RAD51B: variants seen among roughly 807,000 people sequenced by gnomAD.
RAD51B encodes the protein DNA repair protein RAD51 homolog 2.
A neutral mutation model predicts 42.2 loss-of-function variants in RAD51B; 38 were observed. That is an observed-to-expected ratio of 0.90 (90% CI 0.70 to 1.18). The LOEUF is 1.18. Ranked by LOEUF, RAD51B falls within the 50% of genes most tolerant of loss-of-function variation. The pLI, the probability that RAD51B is intolerant of heterozygous loss-of-function variation, is 0.00. For synonymous variants in RAD51B, 154 were observed against 145.2 expected, an observed-to-expected ratio of 1.06 and a Z score of -0.43; for missense variants, 373 against 400.7, an observed-to-expected ratio of 0.93 and a Z score of 0.59.
chr14:67,919,411 C>T (rs1223164455), intron 7 of RAD51B, among the ~76,000 whole-genome samples: 1 of 152,136 alleles, frequency 6.6e-6, no homozygotes, highest in African/African-American at 2.4e-5. Flanking sequence ...CCTTTCTCCC[C>T]TAAAGACAGG....
intron 7 of RAD51B, among the ~76,000 whole-genome samples, chr14:67,901,834 A>C (rs150144722): frequency 1.3e-5 from 2 of 152,178 alleles, no homozygotes; most frequent in Non-Finnish European, 2.9e-5. Context: ...AATACCACAT[A>C]TAAGTGGGAG....
intron 7 of RAD51B, among the ~76,000 whole-genome samples, chr14:68,224,179 G>T (rs2079988676): frequency 6.6e-6 from 1 of 152,192 alleles, no homozygotes; most frequent in African/African-American, 2.4e-5. Context: ...CTTTGATGCA[G>T]CCTGCTTCCT....
chr14:67,993,697 G>A (rs2075335407), intron 7 of RAD51B, among the ~76,000 whole-genome samples: 1 of 152,028 alleles, frequency 6.6e-6, no homozygotes, highest in African/African-American at 2.4e-5. Flanking sequence ...TCCTTTTTGT[G>A]GATGTATACC....
intron 7 of RAD51B, among the ~76,000 whole-genome samples, chr14:68,060,032 G>A (rs1370832375): frequency 6.6e-6 from 1 of 152,186 alleles, no homozygotes; most frequent in Non-Finnish European, 1.5e-5. Flanking sequence ...GATGCCAGAG[G>A]AAGAATAAGG....
rs1239134543 is a variant in RAD51B at position 68,151,772 on chromosome 14, T to C, written c.757-140112T>C. On this transcript the variant is annotated intron_variant, in intron 7 of 10. Coordinates refer to ENST00000471583, the MANE Select transcript of RAD51B (RefSeq NM_133510.4). ...TTTACCACTAGAAATTTGATTTGGG[T>C]ATTTTTAGTATTTCTATTGACTTTT... is the stretch of plus-strand genomic sequence containing the variant. 3.3e-5 allele frequency among the ~76,000 whole-genome samples: 5 copies of C among 151,256 alleles called. No individual in the cohort carries two copies. The East Asian group carries it at 9.6e-4, about 29-fold the overall frequency.
At chr14:68,190,193 T>C (rs1693830598) in intron 7 of RAD51B, among the ~76,000 whole-genome samples, 1 of 51,494 alleles carries the variant, frequency 1.9e-5, no homozygotes, top group African/African-American at 5.1e-5. Context: ...AAGAGTTTAG[T>C]AGTTTCCTTG....
chr14:68,209,120 A>G (rs527596024), intron 7 of RAD51B, among the ~76,000 whole-genome samples: 77 of 152,296 alleles, frequency 5.1e-4, no homozygotes, highest in Admixed American at 1.2e-3. Flanking sequence ...CATCCTTCAC[A>G]TTGCAAGACT....
intron 8 of RAD51B, among the ~76,000 whole-genome samples, chr14:68,319,240 G>A (rs2082115965): frequency 6.6e-6 from 1 of 152,156 alleles, no homozygotes. Context: ...AAAATTCCAA[G>A]ATGTCCAGTT....
intron 7 of RAD51B, among the ~76,000 whole-genome samples, chr14:68,202,956 T>G (rs560169934): frequency 6.6e-6 from 1 of 152,264 alleles, no homozygotes; most frequent in African/African-American, 2.4e-5. Flanking sequence ...TACTTCTAAT[T>G]CTAGTTCTTT....
intron 10 of RAD51B, among the ~76,000 whole-genome samples, chr14:68,576,291 A>G (rs1490318041): frequency 6.6e-6 from 1 of 152,220 alleles, no homozygotes; most frequent in African/African-American, 2.4e-5. Context: ...AGGGCACCAA[A>G]GGGAAGAGAA....
chr14:68,090,094 A>T (rs540228413), intron 7 of RAD51B, among the ~76,000 whole-genome samples: 2 of 152,304 alleles, frequency 1.3e-5, no homozygotes, highest in South Asian at 4.1e-4. Context: ...AAACCTAGGC[A>T]CCCTAGAGCC....
chr14:68,661,460 G>A (rs1018491151), intron 11 of RAD51B, among the ~76,000 whole-genome samples: 14 of 152,146 alleles, frequency 9.2e-5, no homozygotes, highest in African/African-American at 1.2e-4. Flanking sequence ...GAAGTGGCCC[G>A]GGGGAAATTC....
intron 11 of RAD51B, among the ~76,000 whole-genome samples, chr14:68,663,026 C>T (rs368433468): frequency 7.9e-5 from 12 of 152,220 alleles, no homozygotes; most frequent in Non-Finnish European, 1.6e-4. Flanking sequence ...TGGGGCCAGG[C>T]GTGGTGGGTC....
At chr14:68,291,302 G>A (rs978942412) in intron 7 of RAD51B, among the ~76,000 whole-genome samples, 5 of 152,012 alleles carry the variant, frequency 3.3e-5, no homozygotes, top group Admixed American at 6.6e-5. Context: ...GGATTCAAGC[G>A]ATTCTCCTGC....
At chr14:67,859,693 T>A (rs904304033) in intron 4 of RAD51B, among the ~76,000 whole-genome samples, 20 of 152,144 alleles carry the variant, frequency 1.3e-4, no homozygotes, top group Non-Finnish European at 4.4e-5. Context: ...ATAATAGATA[T>A]TTAAAAGCAT....
At chr14:68,068,722 T>A (rs1244697393) in intron 7 of RAD51B, among the ~76,000 whole-genome samples, 2 of 152,202 alleles carry the variant, frequency 1.3e-5, no homozygotes, top group Non-Finnish European at 2.9e-5. Flanking sequence ...TAACATTTTA[T>A]ATCCTCACCA....
chr14:68,386,207 G>A (rs1369512996), intron 8 of RAD51B, among the ~76,000 whole-genome samples: 1 of 152,128 alleles, frequency 6.6e-6, no homozygotes, highest in African/African-American at 2.4e-5. Context: ...CAGGAGTCCA[G>A]CTTTTGTGCT....
chr14:68,245,668 C>T (rs1001336409), intron 7 of RAD51B, among the ~76,000 whole-genome samples: 1 of 152,200 alleles, frequency 6.6e-6, no homozygotes, highest in Non-Finnish European at 1.5e-5. Context: ...CCCTAAAAGG[C>T]GAATTCCTGC....
chr14:68,171,419 C>A (rs1207658615), intron 7 of RAD51B, among the ~76,000 whole-genome samples: 1 of 152,018 alleles, frequency 6.6e-6, no homozygotes, highest in Non-Finnish European at 1.5e-5. Flanking sequence ...CCTGCCTCAG[C>A]CTCCCAAGTA....
Sources: allele counts gnomAD v4.1 joint callset (sites outside exome capture counted in the v4.1 genomes callset), GRCh38; gene constraint gnomAD v4.1.1; transcripts MANE v1.5; gene names NCBI Gene and HGNC (gene_info 2026-07-23, HGNC 2026-07-21).